The following ANO2 variants were observed in gnomAD, a reference collection of about 807,000 sequenced individuals.
ANO2 encodes anoctamin-2.
A neutral mutation model predicts 124.2 loss-of-function variants in ANO2; 101 were observed. The ratio of observed to expected loss-of-function variants is 0.81; its 90% CI spans 0.69 to 0.96. The LOEUF is 0.96. Ranked by LOEUF, ANO2 falls within the 40% of genes least tolerant of loss-of-function variation. The probability of loss-of-function intolerance (pLI) is 0.00; values close to 1 mark genes in which losing one functional copy is unlikely to be tolerated. For synonymous variants in ANO2, 486 were observed against 482.5 expected (o/e 1.01, Z -0.09); for missense variants, 1,293 against 1,274.5 (o/e 1.01, Z -0.22).
chr12:5,767,275 T>A (rs1439016855), intron 10 of ANO2, among the ~76,000 whole-genome samples: 1 of 152,150 alleles, frequency 6.6e-6, no homozygotes, highest in African/African-American at 2.4e-5. Context: ...GTTCCGAGGC[T>A]TTAATTAAAG....
At chr12:5,909,448 A>C (rs944844459) in intron 3 of ANO2, among the ~76,000 whole-genome samples, 1 of 152,232 alleles carries the variant, frequency 6.6e-6, no homozygotes, top group Non-Finnish European at 1.5e-5. Context: ...CAGTACTGTC[A>C]GATACATAGC....
intron 14 of ANO2, among the ~76,000 whole-genome samples, chr12:5,689,060 T>C (rs1241957606): frequency 6.6e-6 from 1 of 152,122 alleles, no homozygotes; most frequent in Non-Finnish European, 1.5e-5. Flanking sequence ...AGAAGGTAAC[T>C]AGTGATCACT....
intron 14 of ANO2, among the ~76,000 whole-genome samples, chr12:5,703,069 T>C (rs1383833972): frequency 6.6e-6 from 1 of 152,072 alleles, no homozygotes; most frequent in African/African-American, 2.4e-5. Context: ...TCCCTGGTAG[T>C]AGAAAATAAG....
At chr12:5,937,951 C>A (rs548826130) in intron 1 of ANO2, among the ~76,000 whole-genome samples, 2 of 152,176 alleles carry the variant, frequency 1.3e-5, no homozygotes, top group Non-Finnish European at 1.5e-5. Flanking sequence ...CTCATGAGGT[C>A]TTGCCACTCT....
chr12:5,770,086 A>G, intron 10 of ANO2, among the ~76,000 whole-genome samples: 1 of 152,192 alleles, frequency 6.6e-6, no homozygotes, highest in Admixed American at 6.5e-5. Context: ...CCAATATTCA[A>G]ACTCTAATCT....
intron 14 of ANO2, among the ~76,000 whole-genome samples, chr12:5,700,220 C>G (rs561950816): frequency 6.6e-6 from 1 of 152,290 alleles, no homozygotes; most frequent in African/African-American, 2.4e-5. Flanking sequence ...TGTAAAAGAA[C>G]AGAAATTATA....
intron 4 of ANO2, among the ~76,000 whole-genome samples, chr12:5,841,698 G>T (rs906286804): frequency 6.6e-6 from 1 of 151,976 alleles, no homozygotes; most frequent in Non-Finnish European, 1.5e-5. Context: ...CTTCTGGAAG[G>T]TTCTCACCTG....
At chr12:5,871,280 AT>A (rs1175391569) in intron 3 of ANO2, among the ~76,000 whole-genome samples, 2 of 152,214 alleles carry the variant, frequency 1.3e-5, no homozygotes, top group Non-Finnish European at 2.9e-5. Context: ...GGATATTTAT[AT>A]TTTTTGAAGG....
intron 1 of ANO2, among the ~76,000 whole-genome samples, chr12:5,934,220 A>G (rs894928542): frequency 6.6e-6 from 1 of 152,216 alleles, no homozygotes; most frequent in African/African-American, 2.4e-5. Flanking sequence ...ACTGAAGCAC[A>G]GAGAGGCCAG....
chr12:5,877,193 T>C (rs148567463), intron 3 of ANO2, among the ~76,000 whole-genome samples: 64 of 152,200 alleles, frequency 4.2e-4, no homozygotes, highest in African/African-American at 1.4e-3. Flanking sequence ...ACCTAATGAC[T>C]GAGGTCCTTA....
At chr12:5,732,057 G>T (rs1339417090) in intron 14 of ANO2, among the ~76,000 whole-genome samples, 1 of 152,130 alleles carries the variant, frequency 6.6e-6, no homozygotes, top group African/African-American at 2.4e-5. Context: ...TTAATCTGTG[G>T]ACATAACTTT....
Position 5,830,580 on chromosome 12 carries a change from A to G in ANO2, c.786-91T>C, listed in dbSNP as rs536183085. 1.8e-5 allele frequency: 21 copies of G among 1,189,238 alleles called. No individual in the cohort carries two copies. The East Asian group carries it at 4.9e-4, about 28-fold the overall frequency. 73.7% of individuals were successfully genotyped at this position (1,189,238 alleles called of 1,614,324 possible). A position where few individuals can be genotyped will look rare whatever the true frequency, so the allele number is the denominator to read the frequency against. On this transcript the variant is annotated intron_variant, in intron 5 of 24. Transcript: ENST00000682330. Reference sequence around the variant, plus strand: ...CCCAGACCCACAACAAATCTTTAGAAAGCAACATAGCAAGACTTATGAGGT... The same window carrying G: ...CCCAGACCCACAACAAATCTTTAGAGAGCAACATAGCAAGACTTATGAGGT...
chr12:5,915,728 G>A (rs1171895585), intron 3 of ANO2, among the ~76,000 whole-genome samples: 1 of 152,192 alleles, frequency 6.6e-6, no homozygotes, highest in African/African-American at 2.4e-5. Flanking sequence ...TCACAGCCAA[G>A]GCCAAGCATC....
At chr12:5,799,440 G>T (rs1476784240) in intron 10 of ANO2, 67 bp downstream of exon 10, 2 of 1,380,744 alleles carry the variant, frequency 1.4e-6, no homozygotes, top group Non-Finnish European at 2.0e-6. Context: ...GAGTCAAAAG[G>T]TTTATGATAC....
At chr12:5,907,963 C>T (rs746041906) in intron 3 of ANO2, among the ~76,000 whole-genome samples, 2 of 152,248 alleles carry the variant, frequency 1.3e-5, no homozygotes, top group South Asian at 2.1e-4. Flanking sequence ...TGCTCACAGG[C>T]GTGGCCTGAG....
intron 1 of ANO2, among the ~76,000 whole-genome samples, chr12:5,924,025 G>A (rs114486658): frequency 3.3e-5 from 5 of 152,192 alleles, no homozygotes; most frequent in South Asian, 2.1e-4. Flanking sequence ...TTAGCCTGAC[G>A]GCATGTGATC....
intron 20 of ANO2, among the ~76,000 whole-genome samples, chr12:5,592,450 T>C (rs1188342362): frequency 6.6e-6 from 1 of 151,908 alleles, no homozygotes; most frequent in Non-Finnish European, 1.5e-5. Context: ...CATAGGCAAA[T>C]TGGACGTGAG....
intron 23 of ANO2, among the ~76,000 whole-genome samples, chr12:5,570,262 A>G (rs1036800256): frequency 6.6e-6 from 1 of 152,212 alleles, no homozygotes; most frequent in Non-Finnish European, 1.5e-5. Context: ...AAGTCCTACA[A>G]GTTAATACTA....
intron 19 of ANO2, among the ~76,000 whole-genome samples, chr12:5,610,946 G>A (rs1944513259): frequency 7.1e-6 from 1 of 141,372 alleles, no homozygotes; most frequent in Non-Finnish European, 1.5e-5. Flanking sequence ...TCAAGACACA[G>A]ACACATCCTG....
Sources: gnomAD v4.1 joint callset for allele counts (sites outside exome capture counted in the v4.1 genomes callset) on GRCh38, gnomAD v4.1.1 for gene constraint, MANE v1.5 for transcripts, NCBI Gene and HGNC (gene_info 2026-07-23, HGNC 2026-07-21) for gene names.